Variants in CD96 observed in about 807,000 individuals in gnomAD.
CD96 encodes T-cell surface protein tactile.
Under a neutral mutation model 71.3 loss-of-function variants are expected in CD96, and 70 were observed. The ratio of observed to expected loss-of-function variants is 0.98; its 90% confidence interval spans 0.81 to 1.20. CD96 has a LOEUF of 1.20. CD96 is among the 50% of genes most tolerant of loss of function. The pLI is 0.00. For missense variants in CD96, 742 were observed against 677.5 expected, an observed-to-expected ratio of 1.10 and a Z score of -1.06; for synonymous variants, 248 against 233.0, an observed-to-expected ratio of 1.06 and a Z score of -0.59.
rs114309094 is a variant in CD96, at chr3:111,645,849, A to G, written c.1478-1694A>G. ...CCTCGAATCCCTGGATGTATGTTGT[A>G]TGAAAGGGAACTGTCTTCAACACTT... On this transcript the variant is annotated intron_variant, in intron 12 of 13. Transcript: ENST00000352690. Among the ~76,000 whole-genome samples, 826 of 152,298 alleles carry G rather than the reference A, an allele frequency of 5.4e-3. 8 individuals carry two copies. Among genetic ancestry groups the G allele is most frequent in the African/African-American group, 0.019 (783 of 41,584 alleles).
intron 5 of CD96, chr3:111,592,809 T>G (rs1181300827): frequency 6.6e-6 from 1 of 152,214 alleles, no homozygotes; most frequent in Non-Finnish European, 1.5e-5. Flanking sequence ...TTAAACTAAG[T>G]AAGTTGAGAG....
At chr3:111,648,727 C>T (rs896351776) in intron 13 of CD96, among the ~76,000 whole-genome samples, 1 of 151,698 alleles carries the variant, frequency 6.6e-6, no homozygotes, top group African/African-American at 2.4e-5. Context: ...AGATGAGAAT[C>T]AATCTCTCTA....
chr3:111,566,312 C>A (rs1310182794), intron 2 of CD96, among the ~76,000 whole-genome samples: 1 of 151,772 alleles, frequency 6.6e-6, no homozygotes, highest in African/African-American at 2.4e-5. Context: ...ATGATCCTTG[C>A]TATATAGCAT....
chr3:111,602,147 G>A (rs968697150), intron 7 of CD96, among the ~76,000 whole-genome samples: 1 of 152,186 alleles, frequency 6.6e-6, no homozygotes, highest in African/African-American at 2.4e-5. Flanking sequence ...CAATGTGGAG[G>A]TAGCTGATTC....
intron 14 of CD96, among the ~76,000 whole-genome samples, chr3:111,660,773 A>T (rs1056640390): frequency 6.6e-6 from 1 of 152,234 alleles, no homozygotes; most frequent in Non-Finnish European, 1.5e-5. Flanking sequence ...TGGGGAAAGA[A>T]CTCCTAATTC....
At chr3:111,552,882 C>CA (rs1246980071) in intron 2 of CD96, among the ~76,000 whole-genome samples, 1 of 151,930 alleles carries the variant, frequency 6.6e-6, no homozygotes, top group Non-Finnish European at 1.5e-5. Flanking sequence ...AAACAATATA[C>CA]AAAAAATACA....
chr3:111,576,611 TTAAA>T (rs2107576532), intron 3 of CD96, among the ~76,000 whole-genome samples: 1 of 152,334 alleles, frequency 6.6e-6, no homozygotes, highest in East Asian at 1.9e-4. Context: ...ATGCTGTGAC[TTAAA>T]TAACTCTTAC....
chr3:111,562,069 C>G (rs1425754386), intron 2 of CD96, among the ~76,000 whole-genome samples: 37 of 152,264 alleles, frequency 2.4e-4, no homozygotes, highest in African/African-American at 6.0e-4. Flanking sequence ...GCTTCGGCTC[C>G]CGCACGGTGC....
intron 10 of CD96, among the ~76,000 whole-genome samples, chr3:111,636,111 G>A (rs1939313595): frequency 6.6e-6 from 1 of 152,098 alleles, no homozygotes; most frequent in Non-Finnish European, 1.5e-5. Flanking sequence ...ACAGCTCCCT[G>A]AACTCAGACT....
chr3:111,587,197 GAGGTGGGTTCCCAT>G (rs764327959), intron 5 of CD96, among the ~76,000 whole-genome samples: 6 of 152,238 alleles, frequency 3.9e-5, no homozygotes, highest in Non-Finnish European at 7.3e-5. Flanking sequence ...ACAGATGCAA[GAGGTGGGTTCCCAT>G]AGTCTTAGGC....
rs368128468 is a variant in CD96 at position 111,628,072 on chromosome 3, AAAAAAG to A, written c.1321+3686_1321+3691del. ...TAGCACAAAAACACTGAAAACTTTA[AAAAAAG>A]AAAAAGAAAAAGAAAAAAAACAACA... On this transcript the variant is annotated intron_variant, in intron 10 of 13. Transcript: ENST00000352690. 2.7e-3 allele frequency among the ~76,000 whole-genome samples: 415 copies of A among 152,332 alleles called. 3 individuals carry two copies. The highest frequency in any genetic ancestry group is 9.1e-3 in the African/African-American group (380 of 41,572).
chr3:111,586,824 G>A (rs757512783), intron 5 of CD96, among the ~76,000 whole-genome samples: 18 of 152,122 alleles, frequency 1.2e-4, no homozygotes, highest in Non-Finnish European at 2.5e-4. Context: ...TTAGATTTGG[G>A]TGGTGACACA....
downstream of CD96, among the ~76,000 whole-genome samples, chr3:111,652,948 G>A (rs2107802075): frequency 6.6e-6 from 1 of 151,670 alleles, no homozygotes; most frequent in African/African-American, 2.4e-5. Context: ...CATTTTCACT[G>A]AGAAAAAGCC....
intron 2 of CD96, 83 bp downstream of exon 2, chr3:111,545,485 G>A (rs1410609935): frequency 1.1e-6 from 1 of 932,904 alleles, no homozygotes; most frequent in South Asian, 1.3e-5. Flanking sequence ...AGCAAGGTTA[G>A]GCTTGGTGCT....
chr3:111,593,572 T>G, intron 5 of CD96: 3 of 1,538,644 alleles, frequency 1.9e-6, no homozygotes, highest in Non-Finnish European at 2.6e-6. Flanking sequence ...GATGTACTGC[T>G]GCAGGCAGCT....
At position 111,598,225 on chromosome 3, in the gene CD96, C is replaced by T. The variant is rs1187010258; in HGVS notation, c.898+15C>T. The T allele has an allele frequency of 9.6e-7, 1 of 1,036,312 alleles. No individual in the cohort carries two copies. Among genetic ancestry groups the T allele is most frequent in the Non-Finnish European group, 1.5e-6 (1 of 653,326 alleles). The allele number at this position is 1,036,312 out of a possible 1,614,324, so 64.2% of individuals were successfully genotyped here. On this transcript the variant is annotated intron_variant, in intron 6 of 13. Transcript: ENST00000352690. ...TGAAAAAGAAGGTAAGGAAACTAAT[C>T]AATGGAAATAAGTTCGGTACAAAAA...
At chr3:111,543,114 C>T (rs1934192570) in intron 1 of CD96, among the ~76,000 whole-genome samples, 1 of 152,196 alleles carries the variant, frequency 6.6e-6, no homozygotes, top group African/African-American at 2.4e-5. Context: ...CTCTGCCTAC[C>T]AAACTTTTGC....
At chr3:111,545,855 C>G (rs1169289580) in intron 2 of CD96, among the ~76,000 whole-genome samples, 8 of 152,066 alleles carry the variant, frequency 5.3e-5, no homozygotes, top group Non-Finnish European at 1.2e-4. Context: ...AAGGATAAGG[C>G]AGGTAAGGAC....
At chr3:111,583,188 G>C (rs1936548705) in intron 4 of CD96, among the ~76,000 whole-genome samples, 1 of 152,216 alleles carries the variant, frequency 6.6e-6, no homozygotes, top group South Asian at 2.1e-4. Context: ...AAATCCAAAA[G>C]GGCAGTCAAA....
Sources: allele counts gnomAD v4.1 joint callset (sites outside exome capture counted in the v4.1 genomes callset), GRCh38; gene constraint gnomAD v4.1.1; transcripts MANE v1.5; gene names NCBI Gene and HGNC (gene_info 2026-07-23, HGNC 2026-07-21).